The following CRTC1 variants were observed in gnomAD, a reference collection of about 807,000 sequenced individuals.
CRTC1 encodes the protein CREB regulated transcription coactivator 1, also known as CREB-regulated transcription coactivator 1.
A neutral mutation model predicts 66.1 loss-of-function variants in CRTC1; 18 were observed. The ratio of observed to expected loss-of-function variants is 0.27; its 90% CI spans 0.19 to 0.40. The LOEUF is 0.40. CRTC1 is among the 10% of genes least tolerant of loss of function. The pLI, the probability that CRTC1 is intolerant of heterozygous loss-of-function variation, is 1.00. For missense variants in CRTC1, 669 were observed against 887.9 expected (o/e 0.75, Z 3.13); for synonymous variants, 416 against 398.8 (o/e 1.04, Z -0.51).
intron 1 of CRTC1, among the ~76,000 whole-genome samples, chr19:18,697,119 A>G (rs2053009729): frequency 6.6e-6 from 1 of 151,902 alleles, no homozygotes; most frequent in African/African-American, 2.4e-5. Context: ...GTGTGTAAAT[A>G]AGGAAGTGCC....
In CRTC1 at chr19:18,747,129, A is replaced by AT. The variant is rs2054259504; in HGVS notation, c.443+15_443+16insT. On this transcript the variant is annotated intron_variant, in intron 4 of 13. Coordinates refer to ENST00000321949, the MANE Select transcript of CRTC1 (RefSeq NM_015321.3). ...AGCTGGAGAAGGTCAGTGGCTGGAC[A>AT]CCCCCCCCCCGCCCCCTTCTTGTTG... The AT allele has an allele frequency of 3.6e-6, 4 of 1,106,732 alleles. No individual in the cohort carries two copies. Among genetic ancestry groups the AT allele is most frequent in the Admixed American group, 4.5e-5 (2 of 44,022 alleles). The allele number at this position is 1,106,732 out of a possible 1,614,324, so 68.6% of individuals were successfully genotyped here. A position where few individuals can be genotyped will look rare whatever the true frequency, so the allele number is the denominator to read the frequency against.
rs530647831 is a variant in CRTC1 at position 18,780,004 on chromosome 19, T to G, written c.*2622T>G. ...TGTGTGTGCGTACGTGTGGTTTTTT[T>G]AAATATCACTACTACATATTCTTGA... On this transcript the variant is annotated 3_prime_UTR_variant, in exon 14 of 14. Coordinates refer to ENST00000321949, the MANE Select transcript of CRTC1 (RefSeq NM_015321.3). 2 of 229,064 alleles carry G rather than the reference T, an allele frequency of 8.7e-6. No homozygotes were observed. The highest frequency in any genetic ancestry group is 3.6e-4 in the South Asian group (2 of 5,480). 14.2% of individuals were successfully genotyped at this position (229,064 alleles called of 1,614,324 possible). A position where few individuals can be genotyped will look rare whatever the true frequency, so the allele number is the denominator to read the frequency against.
intron 1 of CRTC1, among the ~76,000 whole-genome samples, chr19:18,696,296 G>A (rs968101952): frequency 4.6e-5 from 7 of 152,170 alleles, no homozygotes; most frequent in African/African-American, 1.7e-4. Flanking sequence ...GCCGAGGAAG[G>A]GGCCCTCAGA....
Position 18,683,832 on chromosome 19 carries a change from A to T in CRTC1, c.126+4A>T, listed in dbSNP as rs1378487942. 3.2e-6 allele frequency: 4 copies of T among 1,247,176 alleles called. No individual in the cohort carries two copies. Among genetic ancestry groups the T allele is most frequent in the Non-Finnish European group, 4.1e-6 (4 of 965,652 alleles). 77.3% of individuals were successfully genotyped at this position (1,247,176 alleles called of 1,614,324 possible). ...GAGCCTGACGCGGGCCGCGCGGGTA[A>T]GGGGGCTGCCCGCGCCGACCCTTCA... On this transcript the variant is annotated splice_donor_region_variant and intron_variant, in intron 1 of 13. Transcript: ENST00000321949.
intron 1 of CRTC1, among the ~76,000 whole-genome samples, chr19:18,703,400 C>A (rs550871329): frequency 1.3e-5 from 2 of 152,320 alleles, no homozygotes; most frequent in African/African-American, 4.8e-5. Flanking sequence ...CTCCTTTAAG[C>A]ACCTTCTCTG....
At chr19:18,737,581 A>G (rs1429324582) in intron 1 of CRTC1, among the ~76,000 whole-genome samples, 2 of 152,026 alleles carry the variant, frequency 1.3e-5, no homozygotes, top group African/African-American at 2.4e-5. Context: ...CCACAAAAAG[A>G]TACGTCCACA....
intron 1 of CRTC1, among the ~76,000 whole-genome samples, chr19:18,693,841 T>A (rs1189360463): frequency 6.6e-6 from 1 of 151,816 alleles, no homozygotes; most frequent in Non-Finnish European, 1.5e-5. Flanking sequence ...ATATGAAAAT[T>A]AGCCTGGGCT....
chr19:18,737,484 C>T (rs2054022675), intron 1 of CRTC1, among the ~76,000 whole-genome samples: 1 of 152,130 alleles, frequency 6.6e-6, no homozygotes, highest in Admixed American at 6.5e-5. Context: ...GGTTAAGTTT[C>T]AGGCATGTGG....
intron 3 of CRTC1, among the ~76,000 whole-genome samples, chr19:18,746,174 G>A (rs1368460573): frequency 6.6e-6 from 1 of 152,162 alleles, no homozygotes; most frequent in Non-Finnish European, 1.5e-5. Flanking sequence ...GGCCAGACTT[G>A]GGGGCTCAAG....
At chr19:18,761,649 A>G (rs1335964955) in intron 8 of CRTC1, among the ~76,000 whole-genome samples, 1 of 152,110 alleles carries the variant, frequency 6.6e-6, no homozygotes, top group African/African-American at 2.4e-5. Flanking sequence ...ACAGCACCCC[A>G]ATTGGGGGCT....
chr19:18,777,489 T>A lies in CRTC1; in HGVS notation c.*107T>A. On this transcript the variant is annotated 3_prime_UTR_variant, in exon 14 of 14. Transcript: ENST00000321949. This position sits in a 1 kb window ranked among gnomAD's most constrained non-coding sequence, Gnocchi z 5.5. ...AACGGCCGAGCTTGTGATTCTGAGCTTGCAATGCCGCCAAGCGCCCCCCGC... is the reference window on the plus strand; with the variant it reads ...AACGGCCGAGCTTGTGATTCTGAGCATGCAATGCCGCCAAGCGCCCCCCGC... 1 of 1,097,332 alleles carries A rather than the reference T, an allele frequency of 9.1e-7. No homozygotes were observed. Among genetic ancestry groups the A allele is most frequent in the Non-Finnish European group, 1.4e-6 (1 of 733,122 alleles). 68.0% of individuals were successfully genotyped at this position (1,097,332 alleles called of 1,614,324 possible).
intron 10 of CRTC1, among the ~76,000 whole-genome samples, chr19:18,769,614 C>T (rs1171950058): frequency 1.3e-5 from 2 of 152,202 alleles, no homozygotes; most frequent in African/African-American, 2.4e-5. Context: ...ACCCACGGCC[C>T]CTGGGTGGAA....
intron 10 of CRTC1, among the ~76,000 whole-genome samples, chr19:18,769,128 C>A (rs1050701088): frequency 2.0e-5 from 3 of 152,200 alleles, no homozygotes; most frequent in African/African-American, 7.2e-5. Flanking sequence ...AAGAGTACGG[C>A]GTTCTCAGGG....
rs1212133308 is a variant in CRTC1 at position 18,781,675 on chromosome 19, C to A, written c.*4293C>A. ...TCGTGATCCCAGCCTCAGTTTCTCT[C>A]TTGTCACTTTCTCAAACCTGCAGGT... On this transcript the variant is annotated 3_prime_UTR_variant, in exon 14 of 14. Coordinates refer to ENST00000321949, the MANE Select transcript of CRTC1 (RefSeq NM_015321.3). 3.9e-5 allele frequency: 9 copies of A among 230,888 alleles called. No homozygotes were observed. Among genetic ancestry groups the A allele is most frequent in the Non-Finnish European group, 6.9e-5 (8 of 116,706 alleles). The allele number at this position is 230,888 out of a possible 1,614,324, so 14.3% of individuals were successfully genotyped here.
At chr19:18,759,946 T>G in intron 7 of CRTC1, 62 bp from the exon 8 acceptor site, 2 of 1,152,054 alleles carry the variant, frequency 1.7e-6, no homozygotes, top group Non-Finnish European at 2.5e-6. Context: ...GCCAGCCCCC[T>G]GTCCCCGCCG....
At chr19:18,750,300 C>T (rs573082583) in intron 5 of CRTC1, among the ~76,000 whole-genome samples, 33 of 152,324 alleles carry the variant, frequency 2.2e-4, no homozygotes, top group Non-Finnish European at 4.4e-4. Flanking sequence ...TTTCCTGGCT[C>T]TGCTGCTGAG....
At chr19:18,723,783 A>G (rs2053681397) in intron 1 of CRTC1, among the ~76,000 whole-genome samples, 1 of 152,222 alleles carries the variant, frequency 6.6e-6, no homozygotes, top group African/African-American at 2.4e-5. Flanking sequence ...GTTGCCCTGC[A>G]GGGACACTGG....
At chr19:18,695,589 G>T (rs1475205404) in intron 1 of CRTC1, among the ~76,000 whole-genome samples, 1 of 152,094 alleles carries the variant, frequency 6.6e-6, no homozygotes, top group Non-Finnish European at 1.5e-5. Context: ...CACACGGCCG[G>T]GTGTGGTGGC....
chr19:18,704,212 A>C (rs890400614), intron 1 of CRTC1, among the ~76,000 whole-genome samples: 5 of 152,126 alleles, frequency 3.3e-5, no homozygotes, highest in Non-Finnish European at 7.4e-5. Context: ...TCCTGGGCTC[A>C]AGCAATCTTT....
Sources: gnomAD v4.1 joint callset for allele counts (sites outside exome capture counted in the v4.1 genomes callset) on GRCh38, gnomAD v4.1.1 for gene constraint, Gnocchi (gnomAD v3.1) non-coding constraint, MANE v1.5 for transcripts, NCBI Gene and HGNC (gene_info 2026-07-23, HGNC 2026-07-21) for gene names.